SLMAP: variants seen among roughly 807,000 people sequenced by gnomAD.
SLMAP encodes the protein sarcolemmal membrane-associated protein.
SLMAP carries 44 observed loss-of-function variants against 128.8 expected under a neutral mutation model. The ratio of observed to expected loss-of-function variants is 0.34; its 90% CI spans 0.27 to 0.44. The LOEUF is 0.44. Ranked by LOEUF, SLMAP falls within the 20% of genes least tolerant of loss-of-function variation. The pLI is 1.00. For synonymous variants in SLMAP, 327 were observed against 348.8 expected (o/e 0.94, Z 0.70); for missense variants, 787 against 985.3 (o/e 0.80, Z 2.69).
chr3:57,880,894 A>T (rs1030840607), intron 14 of SLMAP, among the ~76,000 whole-genome samples: 2 of 151,542 alleles, frequency 1.3e-5, no homozygotes, highest in African/African-American at 4.8e-5. Flanking sequence ...CAGAATTTTT[A>T]AAAAAAGAGT....
intron 2 of SLMAP, among the ~76,000 whole-genome samples, chr3:57,801,830 G>C (rs1437724376): frequency 6.6e-6 from 1 of 151,958 alleles, no homozygotes; most frequent in African/African-American, 2.4e-5. Context: ...TGGCACAACA[G>C]GTTGTGCCAA....
intron 2 of SLMAP, among the ~76,000 whole-genome samples, chr3:57,783,738 G>T (rs1177546310): frequency 6.6e-6 from 1 of 152,162 alleles, no homozygotes; most frequent in Non-Finnish European, 1.5e-5. Context: ...TCAAGAAAAT[G>T]GGAGAATGAC....
chr3:57,764,058 A>G (rs1043672402), intron 2 of SLMAP, among the ~76,000 whole-genome samples: 29 of 152,136 alleles, frequency 1.9e-4, no homozygotes, highest in African/African-American at 6.8e-4. Context: ...ACTATCTTGT[A>G]TAAAGTAGTT....
At chr3:57,770,431 A>G (rs1024664412) in intron 2 of SLMAP, among the ~76,000 whole-genome samples, 3 of 152,230 alleles carry the variant, frequency 2.0e-5, no homozygotes, top group African/African-American at 7.2e-5. Flanking sequence ...CATATGTTTA[A>G]GGCAGAAAAG....
chr3:57,874,602 G>T (rs1404513420), intron 14 of SLMAP, among the ~76,000 whole-genome samples: 1 of 151,462 alleles, frequency 6.6e-6, no homozygotes, highest in East Asian at 1.9e-4. Flanking sequence ...GCTCACGCCT[G>T]TAATCCCAAC....
chr3:57,918,042 T>G (rs769539060), intron 22 of SLMAP: 7 of 152,260 alleles, frequency 4.6e-5, no homozygotes, highest in Non-Finnish European at 7.3e-5. Flanking sequence ...TGTTCTTCTG[T>G]CTTCATGTTT....
chr3:57,813,721 A>G lies in SLMAP; in HGVS notation c.199-17662A>G, dbSNP rs1435351772. Reference sequence around the variant, plus strand: ...GTATAGGTGTTAATGCAACTACTACATCATTTTATAAAAGGGTCTTGAATA... The same window carrying G: ...GTATAGGTGTTAATGCAACTACTACGTCATTTTATAAAAGGGTCTTGAATA... On this transcript the variant is annotated intron_variant, in intron 2 of 24. Coordinates refer to ENST00000671191, the MANE Select transcript of SLMAP (RefSeq NM_001377540.1). Among the ~76,000 whole-genome samples the G allele has an allele frequency of 4.6e-5, 7 of 152,340 alleles. 1 individual carries two copies. The East Asian group carries it at 1.4e-3, about 29-fold the overall frequency.
chr3:57,912,176 T>G, intron 19 of SLMAP: 1 of 466,532 alleles, frequency 2.1e-6, no homozygotes, highest in Admixed American at 3.4e-5. Context: ...TAATTTTCTG[T>G]GTGTTGGGGA....
chr3:57,906,310 CTTTTTTTTTTT>C (rs999042505), intron 17 of SLMAP, among the ~76,000 whole-genome samples: 54 of 47,036 alleles, frequency 1.1e-3, no homozygotes, highest in African/African-American at 3.4e-3. Context: ...CTTTTTTTTT[CTTTTTTTTTTT>C]TTTTTTTTTT....
intron 14 of SLMAP, 50 bp from the exon 15 acceptor site, chr3:57,889,991 A>G: frequency 7.6e-7 from 1 of 1,309,516 alleles, no homozygotes; most frequent in Non-Finnish European, 1.1e-6. Context: ...CAGCTCAGGG[A>G]AATGCTGCTC....
chr3:57,907,750 C>T, intron 17 of SLMAP, 134 bp from the exon 18 acceptor site: 2 of 690,498 alleles, frequency 2.9e-6, no homozygotes, highest in Non-Finnish European at 2.2e-6. Flanking sequence ...CTATAATTTG[C>T]TTCTAAGTTT....
At chr3:57,916,767 T>C in intron 21 of SLMAP, 139 bp from the exon 22 acceptor site, 2 of 647,928 alleles carry the variant, frequency 3.1e-6, no homozygotes, top group Non-Finnish European at 5.1e-6. Flanking sequence ...TGAATGAAAA[T>C]ATTTCATTCT....
At position 57,891,594 on chromosome 3, in the gene SLMAP, G is replaced by A. The variant is rs1227316320; in HGVS notation, c.1360+1494G>A. Among the ~76,000 whole-genome samples the A allele has an allele frequency of 2.2e-4, 31 of 139,380 alleles. No homozygotes were observed. In the East Asian group the frequency reaches 4.9e-3, roughly 22 times the overall value. 91.4% of individuals were successfully genotyped at this position (139,380 alleles called of 152,430 possible). ...TTTTAACCCTTTTTTTTTTTTCCTT[G>A]AGACGGAGTTTCGCTCATGTTGCCC... On this transcript the variant is annotated intron_variant, in intron 15 of 24. Coordinates refer to ENST00000671191, the MANE Select transcript of SLMAP (RefSeq NM_001377540.1).
chr3:57,757,473 T>C lies in SLMAP; in HGVS notation c.-179T>C. 1.6e-6 allele frequency: 1 copy of C among 628,756 alleles called. No individual in the cohort carries two copies. Among genetic ancestry groups the C allele is most frequent in the Non-Finnish European group, 2.8e-6 (1 of 357,466 alleles). 38.9% of individuals were successfully genotyped at this position (628,756 alleles called of 1,614,324 possible). The stretch of plus-strand genomic sequence containing the variant: ...TTAAAGGAGGTGATGGGGCTTGCGC[T>C]GGCTTGTCTTCCCACCCAAGTGAAG... On this transcript the variant is annotated 5_prime_UTR_variant, in exon 2 of 25. Coordinates refer to ENST00000671191, the MANE Select transcript of SLMAP (RefSeq NM_001377540.1).
intron 12 of SLMAP, among the ~76,000 whole-genome samples, 188 bp downstream of exon 12, chr3:57,865,045 G>C (rs1447785135): frequency 6.6e-6 from 1 of 151,986 alleles, no homozygotes; most frequent in Non-Finnish European, 1.5e-5. Context: ...TGTTTTCCTT[G>C]AGATGAGTGA....
chr3:57,812,645 T>C (rs757104497), intron 2 of SLMAP, among the ~76,000 whole-genome samples: 12 of 152,194 alleles, frequency 7.9e-5, no homozygotes, highest in Non-Finnish European at 1.5e-4. Flanking sequence ...AATCTATTGA[T>C]TGCTTTGGGT....
intron 14 of SLMAP, among the ~76,000 whole-genome samples, chr3:57,888,096 A>G (rs1260426968): frequency 6.6e-6 from 1 of 152,212 alleles, no homozygotes; most frequent in Non-Finnish European, 1.5e-5. Flanking sequence ...ATGTTATAAG[A>G]AAACAGAAAG....
chr3:57,810,575 A>G lies in SLMAP; in HGVS notation c.199-20808A>G, dbSNP rs141904127. Among the ~76,000 whole-genome samples the G allele has an allele frequency of 1.2e-4, 19 of 152,330 alleles. 1 individual carries two copies. Among genetic ancestry groups the G allele is most frequent in the African/African-American group, 3.6e-4 (15 of 41,588 alleles). On this transcript the variant is annotated intron_variant, in intron 2 of 24. Transcript: ENST00000671191. Reference sequence around the variant, plus strand: ...GCAAAACTTCTTAAAAGATTTATCTATATATGCGGCCTCTCATTCCTCTGT... The same window carrying G: ...GCAAAACTTCTTAAAAGATTTATCTGTATATGCGGCCTCTCATTCCTCTGT...
intron 15 of SLMAP, among the ~76,000 whole-genome samples, chr3:57,895,011 G>C (rs1287464976): frequency 6.6e-6 from 1 of 152,018 alleles, no homozygotes; most frequent in East Asian, 1.9e-4. Flanking sequence ...AATGCCATAG[G>C]CCAGGTGTGG....
Sources: gnomAD v4.1 joint callset for allele counts (sites outside exome capture counted in the v4.1 genomes callset) on GRCh38, gnomAD v4.1.1 for gene constraint, MANE v1.5 for transcripts, NCBI Gene and HGNC (gene_info 2026-07-23, HGNC 2026-07-21) for gene names.